The following VPS13A variants were observed in gnomAD, a reference collection of about 807,000 sequenced individuals.
The protein encoded by VPS13A is vacuolar protein sorting 13 homolog A.
In VPS13A, 264 loss-of-function variants were observed where a neutral mutation model predicts 390.9. The observed-to-expected ratio is 0.68, with a 90% CI of 0.61 to 0.75. The LOEUF is 0.75. VPS13A is among the 30% of genes least tolerant of loss of function. The pLI, the probability that VPS13A is intolerant of heterozygous loss-of-function variation, is 0.00. For missense variants in VPS13A, 3,409 were observed against 3,733.9 expected (o/e 0.91, Z 2.27); for synonymous variants, 1,231 against 1,227.1 (o/e 1.00, Z -0.07).
intron 19 of VPS13A, among the ~76,000 whole-genome samples, chr9:77,241,715 C>T (rs916910494): frequency 6.6e-6 from 1 of 152,098 alleles, no homozygotes; most frequent in South Asian, 2.1e-4. Flanking sequence ...ATTTATATTT[C>T]TTCTGCCAGG....
chr9:77,377,458 A>G (rs368551434), intron 67 of VPS13A, among the ~76,000 whole-genome samples: 8 of 152,058 alleles, frequency 5.3e-5, no homozygotes, highest in Admixed American at 2.6e-4. Flanking sequence ...TGACCTCATG[A>G]TCCACCCGCC....
intron 50 of VPS13A, 68 bp downstream of exon 50, chr9:77,340,618 A>C: frequency 6.3e-7 from 1 of 1,581,424 alleles, no homozygotes; most frequent in Non-Finnish European, 8.7e-7. Flanking sequence ...AGATACCTAA[A>C]GTCACCATGT....
At chr9:77,342,957 G>T (rs1830919368) in intron 50 of VPS13A, among the ~76,000 whole-genome samples, 1 of 152,172 alleles carries the variant, frequency 6.6e-6, no homozygotes, top group Non-Finnish European at 1.5e-5. Flanking sequence ...GATGGAGTAG[G>T]ACAAAGCGGA....
intron 22 of VPS13A, among the ~76,000 whole-genome samples, chr9:77,254,029 G>GC (rs1215597399): frequency 7.7e-6 from 1 of 129,458 alleles, no homozygotes. Flanking sequence ...TGCAGGCTCC[G>GC]CCCCCCAGGG....
chr9:77,351,162 T>C (rs959740653), intron 52 of VPS13A, 155 bp from the exon 53 acceptor site: 1 of 917,978 alleles, frequency 1.1e-6, no homozygotes, highest in African/African-American at 1.7e-5. Context: ...GTGAACCCTT[T>C]TTTAATTGTA....
chr9:77,317,231 T>A (rs1318054230), intron 39 of VPS13A, among the ~76,000 whole-genome samples: 1 of 151,940 alleles, frequency 6.6e-6, no homozygotes, highest in South Asian at 2.1e-4. Flanking sequence ...GAATAGAAAA[T>A]GGAGGGTATA....
At chr9:77,305,202 T>A (rs1426206010) in intron 34 of VPS13A, among the ~76,000 whole-genome samples, 2 of 152,142 alleles carry the variant, frequency 1.3e-5, no homozygotes, top group African/African-American at 4.8e-5. Flanking sequence ...CCTCCCAAAG[T>A]GCTGGGATTA....
At chr9:77,332,227 A>G (rs1830314192) in intron 46 of VPS13A, 114 bp downstream of exon 46, 2 of 819,268 alleles carry the variant, frequency 2.4e-6, no homozygotes, top group Non-Finnish European at 2.1e-6. Flanking sequence ...TATCTAACGT[A>G]TTTAGGTTTC....
At chr9:77,397,205 G>A (rs1834152825) in intron 68 of VPS13A, among the ~76,000 whole-genome samples, 1 of 152,078 alleles carries the variant, frequency 6.6e-6, no homozygotes, top group Admixed American at 6.6e-5. Flanking sequence ...TGGCCAGGCT[G>A]GTCTCAAACT....
At chr9:77,218,209 G>A (rs992847546) in intron 10 of VPS13A, among the ~76,000 whole-genome samples, 1 of 150,856 alleles carries the variant, frequency 6.6e-6, no homozygotes, top group Non-Finnish European at 1.5e-5. Context: ...CACCTCACGG[G>A]TTCATGCCAT....
At position 77,337,244 on chromosome 9, in the gene VPS13A, A is replaced by T. The variant is rs915584063; in HGVS notation, c.6096-11A>T. On this transcript the variant is annotated splice_polypyrimidine_tract_variant and intron_variant, in intron 46 of 71. Coordinates refer to ENST00000360280, the MANE Select transcript of VPS13A (RefSeq NM_033305.3). Reference sequence around the variant, plus strand: ...AAAACATTTTAAACTGTATCATTTAATCTCATGCAGATCATTCATTTTTCT... The same window carrying T: ...AAAACATTTTAAACTGTATCATTTATTCTCATGCAGATCATTCATTTTTCT... 1 of 1,608,644 alleles carries T rather than the reference A, an allele frequency of 6.2e-7. No individual in the cohort carries two copies. Among genetic ancestry groups the T allele is most frequent in the African/African-American group, 1.3e-5 (1 of 74,828 alleles).
At chr9:77,190,973 T>C (rs936926212) in intron 1 of VPS13A, among the ~76,000 whole-genome samples, 1 of 152,128 alleles carries the variant, frequency 6.6e-6, no homozygotes, top group Non-Finnish European at 1.5e-5. Flanking sequence ...TCTTTTTTTT[T>C]CTTTGTTAGT....
Position 77,238,374 on chromosome 9 carries a change from AAGAC to A in VPS13A, c.1891_1894del (p.Thr631GlnfsTer20). ...GACAAAACTGGAAGAATTTCGCAGT[AAGAC>A]AGCAACAGGTAAATGCCAATATTAA... On this transcript the variant is annotated frameshift_variant, in exon 19 of 72. Transcript: ENST00000360280. LOFTEE classifies it high-confidence loss of function. 1 of 1,613,236 alleles carries A rather than the reference AAGAC, an allele frequency of 6.2e-7. No individual in the cohort carries two copies. The highest frequency in any genetic ancestry group is 8.5e-7 in the Non-Finnish European group (1 of 1,179,212).
rs774830108 is a variant in VPS13A, at chr9:77,295,783, A to C, written c.3749A>C (p.Gln1250Pro). Residue 1250 changes from glutamine to proline, a missense_variant, in exon 33 of 72, where the codon CAG becomes CCG. By Grantham distance (76) the Gln-to-Pro change is moderately conservative. Around this residue, in one of 5 missense-constraint regions of VPS13A, gnomAD observed 2,717 missense variants for 2,917.4 expected, o/e 0.93. Coordinates refer to ENST00000360280, the MANE Select transcript of VPS13A (RefSeq NM_033305.3). ...TNTFHMITESQSSPPPVIDLI... is the reference protein window; with the variant it reads ...TNTFHMITESPSSPPPVIDLI... ...ACCTTTCATATGATAACAGAGAGCC[A>C]GAGCTCTCCCCCACCTGTTATTGAT... 3.7e-6 allele frequency: 6 copies of C among 1,613,890 alleles called. No homozygotes were observed. Among genetic ancestry groups the C allele is most frequent in the African/African-American group, 1.3e-5 (1 of 74,936 alleles).
intron 46 of VPS13A, among the ~76,000 whole-genome samples, chr9:77,334,028 A>C (rs896717619): frequency 6.6e-6 from 1 of 152,200 alleles, no homozygotes; most frequent in Non-Finnish European, 1.5e-5. Flanking sequence ...TGTGGAAAAC[A>C]TAAAAGGGAT....
rs551497603 is a variant in VPS13A at position 77,294,948 on chromosome 9, C to G, written c.3508-594C>G. On this transcript the variant is annotated intron_variant, in intron 32 of 71. Transcript: ENST00000360280. ...CTAGAACTACTGGCCCCATGTTATC[C>G]TACTACCTCAGCCTCTTAAGTAGCT... 2.0e-5 allele frequency among the ~76,000 whole-genome samples: 3 copies of G among 151,794 alleles called. No individual in the cohort carries two copies. The South Asian group carries it at 6.2e-4, about 32-fold the overall frequency.
At chr9:77,252,193 G>A (rs1475678414) in intron 21 of VPS13A, 42 bp from the exon 22 acceptor site, 2 of 1,464,100 alleles carry the variant, frequency 1.4e-6, no homozygotes, top group Admixed American at 1.7e-5. Flanking sequence ...TAGGTTTTGT[G>A]TGTTATAGTT....
intron 31 of VPS13A, among the ~76,000 whole-genome samples, chr9:77,292,479 T>A (rs888317900): frequency 2.6e-5 from 4 of 152,110 alleles, no homozygotes; most frequent in African/African-American, 9.7e-5. Flanking sequence ...TTTTTTTCCT[T>A]TTCTTAAGGT....
intron 22 of VPS13A, among the ~76,000 whole-genome samples, chr9:77,259,363 C>A (rs929991330): frequency 6.6e-6 from 1 of 152,114 alleles, no homozygotes; most frequent in African/African-American, 2.4e-5. Flanking sequence ...ACTACTACTA[C>A]GCTTGTGATT....
Sources: allele counts gnomAD v4.1 joint callset (sites outside exome capture counted in the v4.1 genomes callset), GRCh38; gene constraint gnomAD v4.1.1; regional missense constraint gnomAD v4.1.1; transcripts MANE v1.5; gene names NCBI Gene and HGNC (gene_info 2026-07-23, HGNC 2026-07-21).